Variants in GABRA2 observed in about 807,000 individuals in gnomAD.
The protein encoded by GABRA2 is gamma-aminobutyric acid type A receptor subunit alpha2.
A neutral mutation model predicts 48.7 loss-of-function variants in GABRA2; 16 were observed. The ratio of observed to expected loss-of-function variants is 0.33; its 90% confidence interval spans 0.22 to 0.50. The LOEUF (loss-of-function observed/expected upper bound fraction) is 0.50, where lower values mean the gene tolerates loss of function less well. GABRA2 is among the 20% of genes least tolerant of loss of function. GABRA2 has a pLI of 0.98. For missense variants in GABRA2, 275 were observed against 535.6 expected, an observed-to-expected ratio of 0.51 and a Z score of 4.80; for synonymous variants, 185 against 184.5, an observed-to-expected ratio of 1.00 and a Z score of -0.02.
intron 3 of GABRA2, 149 bp from the exon 4 acceptor site, chr4:46,332,831 T>G: frequency 1.9e-6 from 1 of 539,608 alleles, no homozygotes; most frequent in Non-Finnish European, 3.4e-6. Flanking sequence ...GCAACCATAA[T>G]GACTATAATG....
In GABRA2 at chr4:46,286,263, G is replaced by A. The variant is rs1325827164; in HGVS notation, c.856+17197C>T. ...CATAGAATTTCTAAGGTTCATCCAG[G>A]TTGTAGCATATATCAGCACTTAATT... is the stretch of plus-strand genomic sequence containing the variant. On this transcript the variant is annotated intron_variant, in intron 8 of 9. Transcript: ENST00000381620. Among the ~76,000 whole-genome samples the A allele has an allele frequency of 2.0e-5, 3 of 151,934 alleles. No homozygotes were observed. In the East Asian group the frequency reaches 5.8e-4, roughly 29 times the overall value.
At chr4:46,340,856 C>G (rs1390249372) in intron 3 of GABRA2, among the ~76,000 whole-genome samples, 1 of 151,890 alleles carries the variant, frequency 6.6e-6, no homozygotes, top group East Asian at 1.9e-4. Context: ...TCTAGAAATT[C>G]TATTATGCAA....
At chr4:46,356,849 T>C (rs1234633804) in intron 3 of GABRA2, among the ~76,000 whole-genome samples, 2 of 151,898 alleles carry the variant, frequency 1.3e-5, no homozygotes, top group Non-Finnish European at 2.9e-5. Flanking sequence ...CATAAATACC[T>C]CTCCTGAGGG....
At chr4:46,388,488 C>G in intron 2 of GABRA2, 148 bp downstream of exon 2, 2 of 890,506 alleles carry the variant, frequency 2.2e-6, no homozygotes, top group Non-Finnish European at 3.5e-6. Flanking sequence ...TTTTTACAGT[C>G]TATTACTTCA....
In GABRA2 at chr4:46,360,623, G is replaced by T. The variant is rs532301813; in HGVS notation, c.187+25451C>A. ...CTAATACAGTAAATTGGTACCAGTA[G>T]AGTGGGGTGCTCCTTAAAAGATACC... On this transcript the variant is annotated intron_variant, in intron 3 of 9. Transcript: ENST00000381620. 7.1e-4 allele frequency among the ~76,000 whole-genome samples: 108 copies of T among 152,302 alleles called. 1 individual carries two copies. The highest frequency in any genetic ancestry group is 1.3e-3 in the Non-Finnish European group (89 of 68,030).
intron 4 of GABRA2, among the ~76,000 whole-genome samples, chr4:46,313,165 T>A (rs999999331): frequency 6.8e-5 from 10 of 148,046 alleles, no homozygotes; most frequent in Non-Finnish European, 6.0e-5. Context: ...ATAAAATTTT[T>A]AAAAATTAAA....
At chr4:46,348,458 A>G (rs1210890523) in intron 3 of GABRA2, among the ~76,000 whole-genome samples, 2 of 152,068 alleles carry the variant, frequency 1.3e-5, no homozygotes, top group Non-Finnish European at 2.9e-5. Context: ...TCATGCTGCT[A>G]TAAAGACACA....
At chr4:46,258,190 C>G (rs576369436) in intron 9 of GABRA2, among the ~76,000 whole-genome samples, 11 of 151,700 alleles carry the variant, frequency 7.3e-5, no homozygotes, top group Non-Finnish European at 1.6e-4. Flanking sequence ...TAACTCATAC[C>G]ATATTTACTG....
intron 8 of GABRA2, among the ~76,000 whole-genome samples, chr4:46,270,598 A>C (rs1219564070): frequency 1.3e-5 from 2 of 152,000 alleles, no homozygotes; most frequent in African/African-American, 4.8e-5. Flanking sequence ...AAAAATAAAA[A>C]AGGTAAGTAC....
At chr4:46,317,626 C>G (rs1358373718) in intron 4 of GABRA2, among the ~76,000 whole-genome samples, 1 of 151,276 alleles carries the variant, frequency 6.6e-6, no homozygotes, top group Non-Finnish European at 1.5e-5. Flanking sequence ...TGAAAATAGG[C>G]AATTGGATTC....
intron 8 of GABRA2, among the ~76,000 whole-genome samples, chr4:46,299,757 T>G (rs556877159): frequency 6.6e-6 from 1 of 151,382 alleles, no homozygotes; most frequent in Non-Finnish European, 1.5e-5. Context: ...TTCCCTCTTC[T>G]ATAGATATGT....
At chr4:46,321,147 T>A (rs991529632) in intron 4 of GABRA2, among the ~76,000 whole-genome samples, 8 of 151,924 alleles carry the variant, frequency 5.3e-5, no homozygotes, top group Non-Finnish European at 1.0e-4. Context: ...CTGCATGATC[T>A]CACTTACATG....
At chr4:46,312,007 G>A (rs1178259420) in intron 5 of GABRA2, among the ~76,000 whole-genome samples, 1 of 152,170 alleles carries the variant, frequency 6.6e-6, no homozygotes, top group African/African-American at 2.4e-5. Flanking sequence ...GCTGAGACAG[G>A]AGAATCACTA....
chr4:46,377,514 A>T (rs1338633792), intron 3 of GABRA2, among the ~76,000 whole-genome samples: 132 of 131,074 alleles, frequency 1.0e-3, no homozygotes, highest in African/African-American at 3.3e-3. Context: ...GCCCCGTCTG[A>T]GAAGTGAGGA....
chr4:46,349,367 G>A (rs1734733577), intron 3 of GABRA2, among the ~76,000 whole-genome samples: 1 of 151,814 alleles, frequency 6.6e-6, no homozygotes, highest in African/African-American at 2.4e-5. Context: ...TAAGGCTATA[G>A]AAATCCTATC....
chr4:46,251,465 A>T (rs1310354903), intron 9 of GABRA2, among the ~76,000 whole-genome samples: 1 of 151,454 alleles, frequency 6.6e-6, no homozygotes, highest in African/African-American at 2.4e-5. Flanking sequence ...CTCAGTTTTC[A>T]AAATACTTTC....
intron 4 of GABRA2, among the ~76,000 whole-genome samples, chr4:46,330,057 G>A (rs1040214304): frequency 6.6e-6 from 1 of 151,968 alleles, no homozygotes; most frequent in African/African-American, 2.4e-5. Context: ...TCACTCACAC[G>A]CATGTATTCT....
intron 3 of GABRA2, among the ~76,000 whole-genome samples, chr4:46,344,480 G>A (rs1164123968): frequency 6.6e-6 from 1 of 151,830 alleles, no homozygotes; most frequent in Non-Finnish European, 1.5e-5. Flanking sequence ...GACTGTGAAG[G>A]GTAAGAGAAC....
At chr4:46,289,903 ATTTATT>A (rs1238369597) in intron 8 of GABRA2, among the ~76,000 whole-genome samples, 1 of 144,984 alleles carries the variant, frequency 6.9e-6, no homozygotes, top group African/African-American at 2.6e-5. Context: ...TTATTTATTT[ATTTATT>A]TTTATTTTTT....
Sources: allele counts gnomAD v4.1 joint callset (sites outside exome capture counted in the v4.1 genomes callset), GRCh38; gene constraint gnomAD v4.1.1; transcripts MANE v1.5; gene names NCBI Gene and HGNC (gene_info 2026-07-23, HGNC 2026-07-21).